SLC9A9: variants seen among roughly 807,000 people sequenced by gnomAD.
SLC9A9 encodes the protein sodium/hydrogen exchanger 9.
In SLC9A9, 62 loss-of-function variants were observed where a neutral mutation model predicts 77.8. The ratio of observed to expected loss-of-function variants is 0.80; its 90% CI spans 0.65 to 0.98. The LOEUF (loss-of-function observed/expected upper bound fraction) is 0.98. Among genes scored for constraint, SLC9A9 ranks in the 50% least tolerant of loss-of-function variants. The pLI is 0.00. For missense variants in SLC9A9, 775 were observed against 774.9 expected, an observed-to-expected ratio of 1.00 and a Z score of 0.00; for synonymous variants, 320 against 283.5, an observed-to-expected ratio of 1.13 and a Z score of -1.29.
intron 2 of SLC9A9, among the ~76,000 whole-genome samples, 157 bp downstream of exon 2, chr3:143,831,862 G>T (rs1476516845): frequency 1.3e-5 from 2 of 152,058 alleles, no homozygotes; most frequent in African/African-American, 4.8e-5. Flanking sequence ...TATAACTCAG[G>T]GTTTGACTCC....
At chr3:143,753,691 T>C (rs551756398) in intron 4 of SLC9A9, among the ~76,000 whole-genome samples, 12 of 152,286 alleles carry the variant, frequency 7.9e-5, no homozygotes, top group African/African-American at 2.6e-4. Context: ...GCTGAGTGAC[T>C]GAGCATGGAG....
intron 7 of SLC9A9, among the ~76,000 whole-genome samples, chr3:143,577,280 G>A (rs1440319415): frequency 6.6e-6 from 1 of 152,064 alleles, no homozygotes; most frequent in African/African-American, 2.4e-5. Flanking sequence ...ACTAGCTGGA[G>A]CCCTCTGGTC....
chr3:143,655,875 GC>G (rs1301596068), intron 5 of SLC9A9, among the ~76,000 whole-genome samples: 4 of 152,160 alleles, frequency 2.6e-5, no homozygotes, highest in South Asian at 4.1e-4. Flanking sequence ...ACTCTGAGAA[GC>G]TTTTGATAAA....
chr3:143,681,359 C>G (rs1933084880), intron 5 of SLC9A9, among the ~76,000 whole-genome samples: 1 of 152,116 alleles, frequency 6.6e-6, no homozygotes, highest in Non-Finnish European at 1.5e-5. Context: ...GTCTTTTCCT[C>G]ACAGATATGA....
At chr3:143,641,404 T>TTTTTTTTTTTTTTTTA in intron 6 of SLC9A9, among the ~76,000 whole-genome samples, 1 of 140,574 alleles carries the variant, frequency 7.1e-6, no homozygotes, top group South Asian at 2.4e-4. Context: ...TTTTTTTTTT[T>TTTTTTTTTTTTTTTTA]TTTTTGAGAC....
intron 9 of SLC9A9, among the ~76,000 whole-genome samples, chr3:143,551,807 T>C (rs2036891069): frequency 6.6e-6 from 1 of 152,198 alleles, no homozygotes; most frequent in Non-Finnish European, 1.5e-5. Flanking sequence ...CTTGTATTCC[T>C]AGTAGCTAGC....
At chr3:143,729,792 T>C (rs1418535169) in intron 4 of SLC9A9, among the ~76,000 whole-genome samples, 3 of 152,184 alleles carry the variant, frequency 2.0e-5, no homozygotes, top group African/African-American at 7.2e-5. Context: ...TGTCTGCTAC[T>C]TAAGGCCTTT....
chr3:143,445,626 C>T (rs1422998614), intron 12 of SLC9A9, among the ~76,000 whole-genome samples: 1 of 152,150 alleles, frequency 6.6e-6, no homozygotes, highest in African/African-American at 2.4e-5. Flanking sequence ...CAGAGTCAAG[C>T]AGATCTGTAG....
intron 4 of SLC9A9, among the ~76,000 whole-genome samples, chr3:143,786,425 C>G (rs545025805): frequency 6.6e-6 from 1 of 152,108 alleles, no homozygotes; most frequent in Non-Finnish European, 1.5e-5. Context: ...TGCTGTTATT[C>G]TTACTGCAAC....
intron 14 of SLC9A9, among the ~76,000 whole-genome samples, chr3:143,311,369 G>A (rs548406935): frequency 5.3e-5 from 8 of 152,200 alleles, no homozygotes; most frequent in Non-Finnish European, 1.2e-4. Flanking sequence ...TAACAGATAA[G>A]GAATGACTTA....
intron 5 of SLC9A9, among the ~76,000 whole-genome samples, chr3:143,691,641 T>C (rs1038643451): frequency 6.6e-6 from 1 of 152,140 alleles, no homozygotes; most frequent in African/African-American, 2.4e-5. Flanking sequence ...TTACCAATTG[T>C]AGCTTTAGGT....
At chr3:143,589,349 A>T (rs2037610532) in intron 6 of SLC9A9, among the ~76,000 whole-genome samples, 1 of 152,216 alleles carries the variant, frequency 6.6e-6, no homozygotes, top group Admixed American at 6.5e-5. Context: ...TTATCTAACA[A>T]AAAAAGTACA....
chr3:143,664,413 T>C (rs973037335), intron 5 of SLC9A9, among the ~76,000 whole-genome samples: 3 of 152,158 alleles, frequency 2.0e-5, no homozygotes, highest in Non-Finnish European at 4.4e-5. Flanking sequence ...AGGAAGAAAC[T>C]GCATCAACTA....
At chr3:143,285,962 T>C (rs1262395164) in intron 14 of SLC9A9, among the ~76,000 whole-genome samples, 3 of 152,104 alleles carry the variant, frequency 2.0e-5, no homozygotes, top group Admixed American at 2.0e-4. Context: ...AGCATTTTAG[T>C]AATTAGAATA....
At chr3:143,462,150 T>G (rs1220887338) in intron 12 of SLC9A9, among the ~76,000 whole-genome samples, 2 of 152,206 alleles carry the variant, frequency 1.3e-5, no homozygotes, top group East Asian at 3.9e-4. Context: ...GAGGATTGCT[T>G]GAGCTCAGGA....
chr3:143,576,872 C>T (rs1452918656), intron 7 of SLC9A9, among the ~76,000 whole-genome samples: 3 of 152,156 alleles, frequency 2.0e-5, no homozygotes, highest in Non-Finnish European at 4.4e-5. Context: ...TTCTGACTGA[C>T]TTTATTTCTG....
chr3:143,699,566 C>T (rs1162236805), intron 4 of SLC9A9, among the ~76,000 whole-genome samples: 2 of 152,132 alleles, frequency 1.3e-5, no homozygotes, highest in African/African-American at 2.4e-5. Flanking sequence ...TTACCGGTGC[C>T]GTGTCACAGC....
At chr3:143,583,935 T>G (rs924851543) in intron 6 of SLC9A9, among the ~76,000 whole-genome samples, 8 of 152,102 alleles carry the variant, frequency 5.3e-5, no homozygotes, top group Admixed American at 6.5e-5. Context: ...TTGTGCAGAA[T>G]GGTGTGTGGC....
intron 9 of SLC9A9, among the ~76,000 whole-genome samples, chr3:143,507,498 C>T (rs759644197): frequency 2.6e-5 from 4 of 152,072 alleles, no homozygotes; most frequent in African/African-American, 4.8e-5. Context: ...TGAGCCACTG[C>T]GCCTGGCCCA....
Sources: gnomAD v4.1 joint callset for allele counts (sites outside exome capture counted in the v4.1 genomes callset) on GRCh38, gnomAD v4.1.1 for gene constraint, MANE v1.5 for transcripts, NCBI Gene and HGNC (gene_info 2026-07-23, HGNC 2026-07-21) for gene names.